The following TULP4 variants were observed in gnomAD, a reference collection of about 807,000 sequenced individuals.
TULP4 encodes the protein TUB like protein 4, also known as tubby-related protein 4.
TULP4 carries 16 observed loss-of-function variants against 129.0 expected under a neutral mutation model. That is an observed-to-expected ratio of 0.12 (90% CI 0.08 to 0.19). The LOEUF is 0.19. Ranked by LOEUF, TULP4 falls within the 10% of genes least tolerant of loss-of-function variation. TULP4 has a pLI of 1.00. For missense variants in TULP4, 1,842 were observed against 2,059.1 expected (o/e 0.89, Z 2.04); for synonymous variants, 998 against 854.0 (o/e 1.17, Z -2.94).
chr6:158,495,651 T>G (rs1334037460), intron 11 of TULP4, among the ~76,000 whole-genome samples: 2 of 152,136 alleles, frequency 1.3e-5, no homozygotes, highest in African/African-American at 4.8e-5. Context: ...GAGACCAGCC[T>G]GACCAACATG....
chr6:158,373,759 G>T (rs542710680), intron 1 of TULP4, among the ~76,000 whole-genome samples: 43 of 152,234 alleles, frequency 2.8e-4, no homozygotes, highest in African/African-American at 9.6e-4. Context: ...TTGTCATATA[G>T]TGTGTTTGTA....
At chr6:158,330,838 T>C (rs1327560341) in intron 1 of TULP4, among the ~76,000 whole-genome samples, 1 of 152,232 alleles carries the variant, frequency 6.6e-6, no homozygotes, top group Non-Finnish European at 1.5e-5. Flanking sequence ...TTTTATGACA[T>C]TGACCTTTTA....
At chr6:158,412,912 C>T (rs1305239259) in intron 1 of TULP4, among the ~76,000 whole-genome samples, 153 bp from the exon 2 acceptor site, 1 of 152,190 alleles carries the variant, frequency 6.6e-6, no homozygotes, top group Non-Finnish European at 1.5e-5. Flanking sequence ...CGTGTGAGCT[C>T]TGTCTGTTCC....
chr6:158,271,818 A>G (rs555898720), intron 1 of TULP4, among the ~76,000 whole-genome samples: 5 of 152,324 alleles, frequency 3.3e-5, no homozygotes, highest in South Asian at 2.1e-4. Context: ...GTTTTAGTTT[A>G]AAGTTGGAAA....
intron 1 of TULP4, among the ~76,000 whole-genome samples, chr6:158,244,515 G>C (rs1388068375): frequency 6.6e-6 from 1 of 152,098 alleles, no homozygotes; most frequent in Non-Finnish European, 1.5e-5. Context: ...ATGAGTGTGG[G>C]GCCTTCATAT....
intron 1 of TULP4, among the ~76,000 whole-genome samples, chr6:158,234,318 ATGC>A (rs1295601521): frequency 2.1e-5 from 3 of 144,212 alleles, no homozygotes; most frequent in African/African-American, 7.5e-5. Flanking sequence ...TCCAACATTG[ATGC>A]TGAGATGGCG....
chr6:158,269,921 C>CCTGTGA (rs1778516531), intron 1 of TULP4, among the ~76,000 whole-genome samples: 1 of 152,230 alleles, frequency 6.6e-6, no homozygotes, highest in South Asian at 2.1e-4. Context: ...GTGGTCTTCA[C>CCTGTGA]AGGGTTGCTC....
intron 1 of TULP4, among the ~76,000 whole-genome samples, chr6:158,257,434 T>C (rs551066804): frequency 3.3e-5 from 5 of 152,344 alleles, no homozygotes; most frequent in South Asian, 2.1e-4. Context: ...TAACAAAATA[T>C]ATTATTGTAA....
intron 2 of TULP4, among the ~76,000 whole-genome samples, chr6:158,416,554 A>G (rs1778213477): frequency 6.6e-6 from 1 of 152,272 alleles, no homozygotes; most frequent in Non-Finnish European, 1.5e-5. Flanking sequence ...TTATTACAAA[A>G]GGATCAAAAA....
At chr6:158,467,125 G>C (rs1779571040) in intron 6 of TULP4, among the ~76,000 whole-genome samples, 1 of 152,124 alleles carries the variant, frequency 6.6e-6, no homozygotes, top group African/African-American at 2.4e-5. Context: ...GCTCAAGCCA[G>C]AAGTCAGCAG....
chr6:158,347,384 A>G (rs997451674), intron 1 of TULP4, among the ~76,000 whole-genome samples: 9 of 152,214 alleles, frequency 5.9e-5, no homozygotes, highest in African/African-American at 2.2e-4. Context: ...CTACCATTCT[A>G]CTGCTAAGCC....
At chr6:158,387,509 G>A (rs1777476237) in intron 1 of TULP4, among the ~76,000 whole-genome samples, 1 of 152,182 alleles carries the variant, frequency 6.6e-6, no homozygotes, top group Non-Finnish European at 1.5e-5. Context: ...CATAATTTAA[G>A]TAGCAGCCTG....
intron 1 of TULP4, among the ~76,000 whole-genome samples, chr6:158,267,270 C>A (rs1012800880): frequency 6.6e-6 from 1 of 152,012 alleles, no homozygotes; most frequent in African/African-American, 2.4e-5. Flanking sequence ...TGATGGACAC[C>A]GGGTAATTAA....
Position 158,503,708 on chromosome 6 carries a change from A to G in TULP4, c.4045A>G (p.Ser1349Gly), listed in dbSNP as rs1780528779. Reference sequence around the variant, plus strand: ...CCTGGACAGCCGAGCAGAAGAAGGCAGCGTTCAGGCCATCACTGAGGGCAA... The same window carrying G: ...CCTGGACAGCCGAGCAGAAGAAGGCGGCGTTCAGGCCATCACTGAGGGCAA... ...KRLDSRAEEG[S>G]VQAITEGKVK... is the part of the protein sequence containing the mutation. Residue 1349 changes from serine (S) to glycine (G), a missense_variant, in exon 13 of 14, where the codon AGC becomes GGC. Ser to Gly is a moderately conservative substitution (Grantham distance 56). This residue lies in a region of TULP4 where 1,089 missense variants were observed against 987.1 expected (regional missense o/e 1.10). Coordinates refer to ENST00000367097, the MANE Select transcript of TULP4 (RefSeq NM_020245.5). The surrounding 1 kb of genome is among the most constrained non-coding windows in gnomAD (Gnocchi z 4.3). 3 of 1,614,068 alleles carry G rather than the reference A, an allele frequency of 1.9e-6. No individual in the cohort carries two copies. In the East Asian group the frequency reaches 6.7e-5, roughly 36 times the overall value.
intron 1 of TULP4, among the ~76,000 whole-genome samples, chr6:158,271,977 C>T (rs754963063): frequency 4.6e-5 from 7 of 151,948 alleles, no homozygotes; most frequent in Non-Finnish European, 8.8e-5. Context: ...AAAGTATTTG[C>T]GGAAAAATAT....
rs1363203109 is a variant in TULP4 at position 158,348,155 on chromosome 6, CTTTTTTTTTTTTTTAAGG to C, written c.252+33902_252+33919del. Among the ~76,000 whole-genome samples the C allele has an allele frequency of 3.0e-4, 36 of 121,650 alleles. 1 individual carries two copies. Among genetic ancestry groups the C allele is most frequent in the African/African-American group, 1.1e-3 (35 of 30,826 alleles). 79.8% of individuals were successfully genotyped at this position (121,650 alleles called of 152,430 possible). On this transcript the variant is annotated intron_variant, in intron 1 of 13. Coordinates refer to ENST00000367097, the MANE Select transcript of TULP4 (RefSeq NM_020245.5). The stretch of plus-strand genomic sequence containing the variant: ...CCTGTGCATTATTTTATGTTTTGGT[CTTTTTTTTTTTTTTAAGG>C]TTTTTTTTTTTTTTTAGTATTTATT...
At chr6:158,305,088 C>A (rs1055870597) in intron 1 of TULP4, among the ~76,000 whole-genome samples, 5 of 152,156 alleles carry the variant, frequency 3.3e-5, no homozygotes, top group Admixed American at 2.6e-4. Context: ...ACCCATTAAA[C>A]ACTAACTCTT....
chr6:158,277,189 C>T (rs1388701723), intron 1 of TULP4, among the ~76,000 whole-genome samples: 2 of 152,212 alleles, frequency 1.3e-5, no homozygotes, highest in Non-Finnish European at 2.9e-5. Context: ...AATCTTCATG[C>T]CTCAGCCTCC....
intron 1 of TULP4, among the ~76,000 whole-genome samples, chr6:158,368,726 TG>T (rs951867135): frequency 6.6e-6 from 1 of 152,220 alleles, no homozygotes; most frequent in African/African-American, 2.4e-5. Flanking sequence ...GTATACAGCC[TG>T]GGGATGGAAT....
Sources: gnomAD v4.1 joint callset for allele counts (sites outside exome capture counted in the v4.1 genomes callset) on GRCh38, gnomAD v4.1.1 for gene constraint, gnomAD v4.1.1 regional missense constraint, Gnocchi (gnomAD v3.1) non-coding constraint, MANE v1.5 for transcripts, NCBI Gene and HGNC (gene_info 2026-07-23, HGNC 2026-07-21) for gene names.